The following SLC12A8 variants were observed in gnomAD, a reference collection of about 807,000 sequenced individuals.
SLC12A8 encodes the protein cation-chloride cotransporter 9.
SLC12A8 carries 69 observed loss-of-function variants against 75.6 expected under a neutral mutation model. That is an observed-to-expected ratio of 0.91 (90% CI 0.75 to 1.11). The LOEUF is 1.11. SLC12A8 is among the 50% of genes most tolerant of loss of function. SLC12A8 has a pLI of 0.00. For synonymous variants in SLC12A8, 365 were observed against 372.8 expected, an observed-to-expected ratio of 0.98 and a Z score of 0.24; for missense variants, 877 against 896.7, an observed-to-expected ratio of 0.98 and a Z score of 0.28.
rs145495753 is a variant in SLC12A8, at chr3:125,133,551, G to A, written c.736+2118C>T. On this transcript the variant is annotated intron_variant, in intron 6 of 13. Transcript: ENST00000469902. ...AGTGATTCTCCTGCCTCAGCCTCCCGAGTTGCTGGGACTACAGGTGCATGC... is the reference window on the plus strand; with the variant it reads ...AGTGATTCTCCTGCCTCAGCCTCCCAAGTTGCTGGGACTACAGGTGCATGC... 1.7e-4 allele frequency among the ~76,000 whole-genome samples: 26 copies of A among 151,826 alleles called. 1 individual carries two copies. In the East Asian group the frequency reaches 3.5e-3, roughly 20 times the overall value.
At chr3:125,209,098 AG>A (rs1319550444) in intron 2 of SLC12A8, among the ~76,000 whole-genome samples, 1 of 152,152 alleles carries the variant, frequency 6.6e-6, no homozygotes, top group Non-Finnish European at 1.5e-5. Flanking sequence ...AATTGTTCAA[AG>A]GTTCCCAGGA....
chr3:125,088,394 C>G, intron 12 of SLC12A8, 24 bp from the exon 13 acceptor site: 1 of 1,613,392 alleles, frequency 6.2e-7, no homozygotes, highest in Non-Finnish European at 8.5e-7. Context: ...ATATACATAA[C>G]CATTTTTGAA....
At position 125,113,724 on chromosome 3, in the gene SLC12A8, T is replaced by TC. The variant is rs529716482; in HGVS notation, c.913-3390dup. Among the ~76,000 whole-genome samples the TC allele has an allele frequency of 2.7e-4, 41 of 152,192 alleles. No individual in the cohort carries two copies. In the Middle Eastern group the frequency reaches 0.017, roughly 63 times the overall value. The stretch of plus-strand genomic sequence containing the variant: ...TTCTGGCATACACCTGTTTGAGCCA[T>TC]CCCCCCACCCCCAGAGCTCTTTCCA... On this transcript the variant is annotated intron_variant, in intron 8 of 13. Transcript: ENST00000469902.
rs749512210 is a variant in SLC12A8, at chr3:125,187,311, C to CG, written c.315dup (p.Val106ArgfsTer38). On this transcript the variant is annotated frameshift_variant, in exon 4 of 14. Coordinates refer to ENST00000469902, the MANE Select transcript of SLC12A8 (RefSeq NM_024628.6). LOFTEE classifies it high-confidence loss of function. ...AGGACCGAGGAGATCATGGAGTAGA[C>CG]GCCACCGCTGCCGATGCTGCTGCGC... 1 of 1,614,196 alleles carries CG rather than the reference C, an allele frequency of 6.2e-7. No individual in the cohort carries two copies. Among genetic ancestry groups the CG allele is most frequent in the South Asian group, 1.1e-5 (1 of 91,080 alleles).
chr3:125,206,607 CAG>C (rs1935231367), intron 2 of SLC12A8: 1 of 152,184 alleles, frequency 6.6e-6, no homozygotes, highest in Admixed American at 6.5e-5. Context: ...GAGGAAAAGA[CAG>C]AGAAAAAGTG....
rs529908320 is a variant in SLC12A8, at chr3:125,111,338, G to A, written c.913-1003C>T. Among the ~76,000 whole-genome samples the A allele has an allele frequency of 3.3e-5, 5 of 152,314 alleles. No individual in the cohort carries two copies. The South Asian group carries it at 1.0e-3, about 32-fold the overall frequency. On this transcript the variant is annotated intron_variant, in intron 8 of 13. Transcript: ENST00000469902. Reference sequence around the variant, plus strand: ...CTTGCAAAAGATCAGGGTCCAAGATGTTACTAGCTAACTCAGGGCTAAAAG... The same window carrying A: ...CTTGCAAAAGATCAGGGTCCAAGATATTACTAGCTAACTCAGGGCTAAAAG...
At position 125,097,528 on chromosome 3, in the gene SLC12A8, TTGTGTGTGTGTGTGTGTG is replaced by T. The variant is rs147038912; in HGVS notation, c.1706-5348_1706-5331del. The stretch of plus-strand genomic sequence containing the variant: ...TCAATTTTACTGAACCTAAAGGGAA[TTGTGTGTGTGTGTGTGTG>T]TGTGTGTGTGTGTGTGTGTGTGTGT... On this transcript the variant is annotated intron_variant, in intron 10 of 13. Coordinates refer to ENST00000469902, the MANE Select transcript of SLC12A8 (RefSeq NM_024628.6). Among the ~76,000 whole-genome samples the T allele has an allele frequency of 8.3e-3, 1,157 of 139,472 alleles. 11 individuals are homozygous for T. Among genetic ancestry groups the T allele is most frequent in the South Asian group, 0.022 (88 of 3,970 alleles). 91.5% of individuals were successfully genotyped at this position (139,472 alleles called of 152,430 possible).
At chr3:125,199,070 G>GCA (rs1935069695) in intron 2 of SLC12A8, among the ~76,000 whole-genome samples, 3 of 152,134 alleles carry the variant, frequency 2.0e-5, no homozygotes. Context: ...GAGCCACCAT[G>GCA]CCCGGCTGAC....
chr3:125,194,145 G>A (rs1934960431), intron 2 of SLC12A8, among the ~76,000 whole-genome samples: 1 of 152,246 alleles, frequency 6.6e-6, no homozygotes. Context: ...ACATGCCTGA[G>A]GGCAAGAGTC....
intron 2 of SLC12A8, among the ~76,000 whole-genome samples, chr3:125,194,931 C>T (rs1247533624): frequency 6.6e-6 from 1 of 152,262 alleles, no homozygotes; most frequent in Non-Finnish European, 1.5e-5. Flanking sequence ...CTTTCCCCTG[C>T]CTCTGAACCG....
chr3:125,125,003 TA>T (rs1385112802), intron 6 of SLC12A8, among the ~76,000 whole-genome samples: 1 of 152,180 alleles, frequency 6.6e-6, no homozygotes, highest in African/African-American at 2.4e-5. Flanking sequence ...AAACCTTAAT[TA>T]GAGAGGTTTT....
chr3:125,162,285 G>A (rs758812356), intron 5 of SLC12A8, among the ~76,000 whole-genome samples: 5 of 152,232 alleles, frequency 3.3e-5, no homozygotes, highest in Admixed American at 1.3e-4. Context: ...CCCCGTGCTG[G>A]TGTTGGAGGA....
At chr3:125,211,200 A>G (rs673881) in intron 2 of SLC12A8, 99 bp downstream of exon 2, 555,047 of 970,102 alleles carry the variant, frequency 0.57, 165,728 homozygotes, top group African/African-American at 0.9. Context: ...AGTTAATTAC[A>G]TCTAAAGGGT....
intron 5 of SLC12A8, among the ~76,000 whole-genome samples, chr3:125,165,945 C>T (rs985634982): frequency 6.6e-6 from 1 of 152,182 alleles, no homozygotes; most frequent in Non-Finnish European, 1.5e-5. Context: ...AGCTTACCCA[C>T]TTTGTATGTT....
chr3:125,196,659 T>C (rs1003989374), intron 2 of SLC12A8, among the ~76,000 whole-genome samples: 1 of 152,230 alleles, frequency 6.6e-6, no homozygotes, highest in African/African-American at 2.4e-5. Flanking sequence ...CCAGGCACAG[T>C]GGCTCACACC....
At chr3:125,141,185 T>C (rs1449708940) in intron 5 of SLC12A8, among the ~76,000 whole-genome samples, 1 of 148,762 alleles carries the variant, frequency 6.7e-6, no homozygotes, top group Non-Finnish European at 1.5e-5. Context: ...GGGGTGCGGG[T>C]AAGACAGAGA....
chr3:125,130,771 C>T lies in SLC12A8; in HGVS notation c.736+4898G>A, dbSNP rs555182762. 1.6e-3 allele frequency among the ~76,000 whole-genome samples: 241 copies of T among 151,950 alleles called. 2 individuals carry two copies. Among genetic ancestry groups the T allele is most frequent in the Non-Finnish European group, 1.1e-3 (78 of 67,990 alleles). On this transcript the variant is annotated intron_variant, in intron 6 of 13. Coordinates refer to ENST00000469902, the MANE Select transcript of SLC12A8 (RefSeq NM_024628.6). ...CTGGAGGGAGAAGCTGGAGGGGAGG[C>T]TCACCGCCCCCTTCCCCCACTCACA...
intron 5 of SLC12A8, among the ~76,000 whole-genome samples, chr3:125,146,277 A>G (rs955533561): frequency 3.2e-4 from 49 of 152,238 alleles, no homozygotes; most frequent in Non-Finnish European, 4.6e-4. Flanking sequence ...AGAGGCAGAA[A>G]GTATCATAGA....
intron 5 of SLC12A8, among the ~76,000 whole-genome samples, chr3:125,145,880 T>G (rs979465403): frequency 4.6e-5 from 7 of 152,252 alleles, no homozygotes; most frequent in Non-Finnish European, 1.0e-4. Flanking sequence ...CCATCTGGAG[T>G]GCAGTGGCAC....
Sources: allele counts gnomAD v4.1 joint callset (sites outside exome capture counted in the v4.1 genomes callset), GRCh38; gene constraint gnomAD v4.1.1; transcripts MANE v1.5; gene names NCBI Gene and HGNC (gene_info 2026-07-23, HGNC 2026-07-21).